Variants in GTF2F2 observed in about 807,000 individuals in gnomAD.
GTF2F2 encodes general transcription factor IIF subunit 2.
A neutral mutation model predicts 42.2 loss-of-function variants in GTF2F2; 23 were observed. The ratio of observed to expected loss-of-function variants is 0.55; its 90% CI spans 0.39 to 0.77. The LOEUF is 0.77. Among genes scored for constraint, GTF2F2 ranks in the 30% least tolerant of loss-of-function variants. The pLI, the probability that GTF2F2 is intolerant of heterozygous loss-of-function variation, is 0.00. For missense variants in GTF2F2, 261 were observed against 287.2 expected (o/e 0.91, Z 0.66); for synonymous variants, 105 against 100.8 (o/e 1.04, Z -0.25).
At chr13:45,218,694 CAT>C (rs976934377) in intron 5 of GTF2F2, among the ~76,000 whole-genome samples, 2 of 152,210 alleles carry the variant, frequency 1.3e-5, no homozygotes, top group African/African-American at 4.8e-5. Flanking sequence ...AAAGATACCA[CAT>C]GTTCTTTGTT....
intron 1 of GTF2F2, among the ~76,000 whole-genome samples, chr13:45,131,806 GA>G (rs1869362443): frequency 6.6e-6 from 1 of 150,692 alleles, no homozygotes; most frequent in Non-Finnish European, 1.5e-5. Context: ...TTGGGAGGCT[GA>G]GGTGGGAGTA....
At chr13:45,151,037 A>G (rs1451729082) in intron 3 of GTF2F2, among the ~76,000 whole-genome samples, 1 of 151,986 alleles carries the variant, frequency 6.6e-6, no homozygotes, top group East Asian at 1.9e-4. Flanking sequence ...GGTATATTGC[A>G]TGATGCTGAG....
At chr13:45,189,662 G>A (rs770574955) in intron 4 of GTF2F2, among the ~76,000 whole-genome samples, 1 of 147,076 alleles carries the variant, frequency 6.8e-6, no homozygotes, top group Non-Finnish European at 1.6e-5. Flanking sequence ...ATAGGCATGG[G>A]CAAAGGCTGT....
chr13:45,154,739 T>G (rs1593459025), intron 4 of GTF2F2, among the ~76,000 whole-genome samples: 1 of 152,224 alleles, frequency 6.6e-6, no homozygotes, highest in Non-Finnish European at 1.5e-5. Flanking sequence ...ATATAATGAA[T>G]GCTCAAATAT....
At chr13:45,198,574 T>C (rs1197394409) in intron 4 of GTF2F2, among the ~76,000 whole-genome samples, 1 of 152,198 alleles carries the variant, frequency 6.6e-6, no homozygotes, top group Non-Finnish European at 1.5e-5. Context: ...GCTGCATGCT[T>C]CTCTGCTTGT....
chr13:45,193,882 A>G (rs371466603), intron 4 of GTF2F2: 3 of 1,614,160 alleles, frequency 1.9e-6, no homozygotes, highest in Non-Finnish European at 2.5e-6. Flanking sequence ...TAAAGCCATC[A>G]TGATAGCCTC....
At chr13:45,162,609 A>G (rs1223738134) in intron 4 of GTF2F2, among the ~76,000 whole-genome samples, 2 of 152,232 alleles carry the variant, frequency 1.3e-5, no homozygotes, top group Non-Finnish European at 2.9e-5. Flanking sequence ...TTTAGTGGCC[A>G]GAAAGAGATT....
chr13:45,207,713 T>C (rs918939957), intron 5 of GTF2F2, among the ~76,000 whole-genome samples: 1 of 152,238 alleles, frequency 6.6e-6, no homozygotes, highest in Non-Finnish European at 1.5e-5. Context: ...TATTTTAAGC[T>C]ACTTTGTTAA....
chr13:45,235,098 G>A lies in GTF2F2; in HGVS notation c.387-17773G>A, dbSNP rs147618845. 6.2e-4 allele frequency among the ~76,000 whole-genome samples: 88 copies of A among 141,730 alleles called. 1 individual carries two copies. Among genetic ancestry groups the A allele is most frequent in the African/African-American group, 2.2e-3 (85 of 38,598 alleles). 93.0% of individuals were successfully genotyped at this position (141,730 alleles called of 152,430 possible). ...GTCATAGTTGAATGTTTATTGAGAAGGCTAATAACATGAACTGACAACATT... is the reference window on the plus strand; with the variant it reads ...GTCATAGTTGAATGTTTATTGAGAAAGCTAATAACATGAACTGACAACATT... On this transcript the variant is annotated intron_variant, in intron 5 of 7. Coordinates refer to ENST00000340473, the MANE Select transcript of GTF2F2 (RefSeq NM_004128.3).
At chr13:45,181,835 G>A (rs1160003576) in intron 4 of GTF2F2, among the ~76,000 whole-genome samples, 2 of 152,124 alleles carry the variant, frequency 1.3e-5, no homozygotes, top group Non-Finnish European at 2.9e-5. Flanking sequence ...TGAGCACATT[G>A]TGTTAGCTTA....
chr13:45,124,750 G>T (rs150985148), intron 1 of GTF2F2, among the ~76,000 whole-genome samples: 2 of 152,174 alleles, frequency 1.3e-5, no homozygotes, highest in African/African-American at 4.8e-5. Context: ...ATCTTTAGTA[G>T]AGATGGGGTT....
chr13:45,271,780 G>A (rs1259499657), intron 7 of GTF2F2, among the ~76,000 whole-genome samples: 1 of 152,048 alleles, frequency 6.6e-6, no homozygotes, highest in Non-Finnish European at 1.5e-5. Flanking sequence ...TCAAACTCCT[G>A]ACCTCAGGTG....
rs372589025 is a variant in GTF2F2, at chr13:45,213,245, A to AT, written c.386+5747dup. Reference sequence around the variant, plus strand: ...AGGCACCCGCCACCACGCCCGGCTAATTTTTTTGTATTTTTAGTAGAGGTG... The same window carrying AT: ...AGGCACCCGCCACCACGCCCGGCTAATTTTTTTTGTATTTTTAGTAGAGGTG... On this transcript the variant is annotated intron_variant, in intron 5 of 7. Transcript: ENST00000340473. Among the ~76,000 whole-genome samples, 179 of 151,792 alleles carry AT rather than the reference A, an allele frequency of 1.2e-3. 2 individuals are homozygous for AT. The highest frequency in any genetic ancestry group is 4.1e-3 in the African/African-American group (168 of 41,402).
intron 5 of GTF2F2, among the ~76,000 whole-genome samples, chr13:45,218,774 C>T (rs1398343359): frequency 1.3e-5 from 2 of 152,134 alleles, no homozygotes; most frequent in Non-Finnish European, 2.9e-5. Context: ...TTGTTAAATG[C>T]TGTTAATCAA....
chr13:45,241,266 G>C (rs1196635356), intron 5 of GTF2F2, among the ~76,000 whole-genome samples: 1 of 151,698 alleles, frequency 6.6e-6, no homozygotes, highest in Non-Finnish European at 1.5e-5. Context: ...TTCCTACAGG[G>C]TGATAAACAG....
intron 4 of GTF2F2, chr13:45,194,711 G>A (rs1032248770): frequency 5.6e-6 from 4 of 716,100 alleles, no homozygotes; most frequent in African/African-American, 5.4e-5. Context: ...TGTCAGCTCG[G>A]TTTTGCAGTA....
At chr13:45,281,108 A>G (rs1271982917) in intron 7 of GTF2F2, among the ~76,000 whole-genome samples, 5 of 152,198 alleles carry the variant, frequency 3.3e-5, no homozygotes, top group African/African-American at 1.2e-4. Context: ...GCAGACTTGC[A>G]TTTTATATTA....
intron 4 of GTF2F2, among the ~76,000 whole-genome samples, chr13:45,156,242 A>G (rs1870750116): frequency 6.6e-6 from 1 of 152,262 alleles, no homozygotes; most frequent in Non-Finnish European, 1.5e-5. Flanking sequence ...AATAAATGCT[A>G]CAAATGCTCT....
chr13:45,205,284 G>C (rs1873367445), intron 4 of GTF2F2, among the ~76,000 whole-genome samples: 1 of 152,170 alleles, frequency 6.6e-6, no homozygotes, highest in African/African-American at 2.4e-5. Context: ...GGAGGGAGAA[G>C]TGAGAGCACA....
Sources: allele counts gnomAD v4.1 joint callset (sites outside exome capture counted in the v4.1 genomes callset), GRCh38; gene constraint gnomAD v4.1.1; transcripts MANE v1.5; gene names NCBI Gene and HGNC (gene_info 2026-07-23, HGNC 2026-07-21).